SGCZ: variants seen among roughly 807,000 people sequenced by gnomAD.
The protein encoded by SGCZ is zeta-sarcoglycan.
Under a neutral mutation model 41.3 loss-of-function variants are expected in SGCZ, and 40 were observed. The ratio of observed to expected loss-of-function variants is 0.97; its 90% confidence interval spans 0.75 to 1.26. SGCZ has a LOEUF of 1.26. Ranked by LOEUF, SGCZ falls within the 50% of genes most tolerant of loss-of-function variation. The probability of loss-of-function intolerance (pLI) is 0.00; values close to 1 mark genes in which losing one functional copy is unlikely to be tolerated. For missense variants in SGCZ, 552 were observed against 369.8 expected (o/e 1.49, Z -4.04); for synonymous variants, 206 against 137.5 (o/e 1.50, Z -3.49).
At chr8:14,243,541 T>C (rs1277794433) in intron 3 of SGCZ, among the ~76,000 whole-genome samples, 2 of 152,230 alleles carry the variant, frequency 1.3e-5, no homozygotes, top group African/African-American at 2.4e-5. Flanking sequence ...AAGAAATTTA[T>C]GTTCATAACA....
chr8:15,145,055 A>C (rs1483168261), intron 1 of SGCZ, among the ~76,000 whole-genome samples: 1 of 152,106 alleles, frequency 6.6e-6, no homozygotes, highest in African/African-American at 2.4e-5. Flanking sequence ...ATTTCTTTTT[A>C]CTTCATCTTT....
chr8:14,628,673 G>A (rs1806543736), intron 1 of SGCZ, among the ~76,000 whole-genome samples: 2 of 151,970 alleles, frequency 1.3e-5, no homozygotes, highest in South Asian at 4.1e-4. Flanking sequence ...ACAAGACAAT[G>A]TAAAACAATA....
In SGCZ at chr8:14,583,206, T is replaced by G. The variant is rs1200947982; in HGVS notation, c.40-28280A>C. 6.1e-3 allele frequency among the ~76,000 whole-genome samples: 919 copies of G among 151,020 alleles called. 9 individuals carry two copies. Among genetic ancestry groups the G allele is most frequent in the African/African-American group, 0.021 (875 of 41,338 alleles). On this transcript the variant is annotated intron_variant, in intron 1 of 7. Transcript: ENST00000382080. The stretch of plus-strand genomic sequence containing the variant: ...ACTTTTTAATGATCGCCATTCTAAC[T>G]GGTGTGAGATGGTATCTCATTGTGG...
At chr8:14,932,575 T>G (rs1799949448) in intron 1 of SGCZ, among the ~76,000 whole-genome samples, 1 of 151,978 alleles carries the variant, frequency 6.6e-6, no homozygotes, top group Non-Finnish European at 1.5e-5. Flanking sequence ...GCTACTGAAA[T>G]TATAACATAT....
At chr8:14,258,593 T>C (rs1309254287) in intron 3 of SGCZ, among the ~76,000 whole-genome samples, 4 of 152,180 alleles carry the variant, frequency 2.6e-5, no homozygotes, top group African/African-American at 7.2e-5. Context: ...AGTAAAATTA[T>C]ATTGAAAATT....
intron 7 of SGCZ, among the ~76,000 whole-genome samples, chr8:14,097,520 C>T (rs1343993643): frequency 6.6e-6 from 1 of 152,108 alleles, no homozygotes; most frequent in Non-Finnish European, 1.5e-5. Context: ...ATTATGTGGT[C>T]ATTGTTAGAA....
At chr8:14,321,024 A>G (rs1801900007) in intron 3 of SGCZ, among the ~76,000 whole-genome samples, 1 of 152,090 alleles carries the variant, frequency 6.6e-6, no homozygotes, top group Non-Finnish European at 1.5e-5. Context: ...GGTGTCCTAA[A>G]TTCCCGATAT....
chr8:14,160,396 A>C (rs1428695579), intron 5 of SGCZ, among the ~76,000 whole-genome samples: 1 of 152,182 alleles, frequency 6.6e-6, no homozygotes, highest in Non-Finnish European at 1.5e-5. Context: ...GTAAAGGTTT[A>C]TTCCTTTTTT....
At chr8:14,705,830 C>T (rs1809314992) in intron 1 of SGCZ, among the ~76,000 whole-genome samples, 2 of 152,096 alleles carry the variant, frequency 1.3e-5, no homozygotes, top group East Asian at 3.9e-4. Context: ...GTACATAGAA[C>T]TTTGAATAAA....
chr8:14,885,205 A>T (rs1804742693), intron 1 of SGCZ, among the ~76,000 whole-genome samples: 1 of 152,064 alleles, frequency 6.6e-6, no homozygotes, highest in African/African-American at 2.4e-5. Context: ...TTTGTTTTTA[A>T]ATTGGTCCAG....
intron 1 of SGCZ, among the ~76,000 whole-genome samples, chr8:14,859,905 G>T (rs1294293585): frequency 6.6e-6 from 1 of 152,086 alleles, no homozygotes; most frequent in African/African-American, 2.4e-5. Flanking sequence ...AATGTGCATT[G>T]ATTAATTGAT....
At chr8:14,281,861 T>C (rs1264328569) in intron 3 of SGCZ, among the ~76,000 whole-genome samples, 2 of 21,514 alleles carry the variant, frequency 9.3e-5, no homozygotes, top group East Asian at 5.7e-3. Flanking sequence ...GTCAGAACCA[T>C]ACTGTTCTTT....
intron 7 of SGCZ, among the ~76,000 whole-genome samples, chr8:14,100,961 A>C (rs1275955964): frequency 4.6e-5 from 7 of 152,112 alleles, no homozygotes; most frequent in Admixed American, 4.6e-4. Context: ...TAGGGAATGT[A>C]TTGGTAGGAA....
At chr8:14,791,810 C>A (rs947038988) in intron 1 of SGCZ, among the ~76,000 whole-genome samples, 1 of 152,182 alleles carries the variant, frequency 6.6e-6, no homozygotes, top group Non-Finnish European at 1.5e-5. Context: ...GTAAATTAAA[C>A]CTCCTCAGGA....
At chr8:14,911,673 G>A (rs973437168) in intron 1 of SGCZ, among the ~76,000 whole-genome samples, 1 of 151,906 alleles carries the variant, frequency 6.6e-6, no homozygotes, top group African/African-American at 2.4e-5. Flanking sequence ...GTTACAATGA[G>A]AATATATCTT....
intron 1 of SGCZ, among the ~76,000 whole-genome samples, chr8:14,630,983 C>T (rs1355637692): frequency 1.3e-5 from 2 of 151,842 alleles, no homozygotes; most frequent in Non-Finnish European, 2.9e-5. Context: ...AACAAACCTG[C>T]ACGTTGTGCA....
chr8:14,601,962 C>T lies in SGCZ; in HGVS notation c.40-47036G>A, dbSNP rs565450081. ...GGTGAAACCCCGTCTCTACTGAAAA[C>T]ACAAAAAATTAGCCGGGCCTGGTGG... On this transcript the variant is annotated intron_variant, in intron 1 of 7. Transcript: ENST00000382080. Among the ~76,000 whole-genome samples the T allele has an allele frequency of 3.3e-5, 5 of 151,830 alleles. No homozygotes were observed. In the East Asian group the frequency reaches 7.8e-4, roughly 24 times the overall value.
chr8:14,462,033 C>A (rs993416846), intron 2 of SGCZ, among the ~76,000 whole-genome samples: 1 of 151,978 alleles, frequency 6.6e-6, no homozygotes. Context: ...TTAATATATA[C>A]AACAGATTTA....
chr8:14,204,452 C>T (rs1304510909), intron 4 of SGCZ, among the ~76,000 whole-genome samples: 1 of 152,040 alleles, frequency 6.6e-6, no homozygotes, highest in Admixed American at 6.6e-5. Flanking sequence ...CTAAGTCTTC[C>T]AAAACCATTG....
Sources: allele counts gnomAD v4.1 joint callset (sites outside exome capture counted in the v4.1 genomes callset), GRCh38; gene constraint gnomAD v4.1.1; transcripts MANE v1.5; gene names NCBI Gene and HGNC (gene_info 2026-07-23, HGNC 2026-07-21).